POPDC1: variants seen among roughly 807,000 people sequenced by gnomAD.
POPDC1 encodes popeye domain-containing protein 1.
At chr6:105,118,102 C>T in the POPDC1 span, among the ~76,000 whole-genome samples, 27 of 152,296 alleles carry the variant, frequency 1.8e-4, no homozygotes, top group East Asian at 5.2e-3. Context: ...AACACAAATA[C>T]CGCAGTAGGC....
the POPDC1 span, among the ~76,000 whole-genome samples, chr6:105,110,284 C>G: frequency 6.6e-6 from 1 of 152,198 alleles, no homozygotes. Context: ...ATTGATCTCC[C>G]TAAACTACAC....
the POPDC1 span, chr6:105,136,374 A>G: frequency 1.3e-5 from 2 of 152,164 alleles, no homozygotes; most frequent in Non-Finnish European, 2.9e-5. Flanking sequence ...TCGCTCCTTA[A>G]AGGAGGAGGG....
the POPDC1 span, among the ~76,000 whole-genome samples, chr6:105,132,774 T>A: frequency 2.0e-5 from 3 of 152,236 alleles, no homozygotes; most frequent in Admixed American, 6.5e-5. Context: ...CCAAAAAAAA[T>A]TTGTTTTATT....
At chr6:105,132,271 ATATTTT>A in the POPDC1 span, among the ~76,000 whole-genome samples, 45 of 152,286 alleles carry the variant, frequency 3.0e-4, no homozygotes, top group Middle Eastern at 6.8e-3. Flanking sequence ...CAGCCCATTT[ATATTTT>A]TAAGCACAAT....
chr6:105,111,524 G>A, the POPDC1 span, among the ~76,000 whole-genome samples: 1,734 of 152,254 alleles, frequency 0.011, 35 homozygotes, highest in African/African-American at 0.04. Context: ...TTCCTATCTC[G>A]CTATATTCCA....
At chr6:105,130,876 T>C in the POPDC1 span, among the ~76,000 whole-genome samples, 2 of 152,210 alleles carry the variant, frequency 1.3e-5, no homozygotes, top group African/African-American at 4.8e-5. Context: ...CCTAATTTGA[T>C]AGTGAGGAAT....
chr6:105,100,852 A>G, the POPDC1 span: 3 of 319,148 alleles, frequency 9.4e-6, no homozygotes, highest in Middle Eastern at 8.3e-4. Flanking sequence ...TATATATCTC[A>G]AAAGAGAACA....
At chr6:105,125,234 T>C in the POPDC1 span, among the ~76,000 whole-genome samples, 2 of 152,216 alleles carry the variant, frequency 1.3e-5, no homozygotes, top group Non-Finnish European at 2.9e-5. Flanking sequence ...CTCTATAGCA[T>C]TGTAAAGTAT....
chr6:105,131,882 T>G, the POPDC1 span, among the ~76,000 whole-genome samples: 1,555 of 152,072 alleles, frequency 0.01, 31 homozygotes, highest in African/African-American at 0.035. Flanking sequence ...GCTGTAATCC[T>G]CACCTTACTC....
chr6:105,101,838 T>G, the POPDC1 span, among the ~76,000 whole-genome samples: 2 of 152,152 alleles, frequency 1.3e-5, no homozygotes, highest in Non-Finnish European at 2.9e-5. Context: ...AGGATGCCAT[T>G]TAATCAAAGG....
chr6:105,102,950 T>C, the POPDC1 span, among the ~76,000 whole-genome samples: 1 of 152,224 alleles, frequency 6.6e-6, no homozygotes, highest in Non-Finnish European at 1.5e-5. Flanking sequence ...ACTATTGACA[T>C]AAACTGTAGA....
chr6:105,135,376 T>G, the POPDC1 span, among the ~76,000 whole-genome samples: 1 of 152,178 alleles, frequency 6.6e-6, no homozygotes, highest in Admixed American at 6.5e-5. Context: ...GGGTGCTACA[T>G]AAGCCAGGGA....
chr6:105,132,108 A>G, the POPDC1 span, among the ~76,000 whole-genome samples: 1 of 151,596 alleles, frequency 6.6e-6, no homozygotes, highest in Non-Finnish European at 1.5e-5. Flanking sequence ...TGGGATTACA[A>G]GTGCCTGCCA....
the POPDC1 span, among the ~76,000 whole-genome samples, chr6:105,127,674 G>C: frequency 1.1e-4 from 16 of 152,180 alleles, no homozygotes; most frequent in African/African-American, 3.9e-4. Context: ...GGGCTCAAGA[G>C]ATCTTCCAAC....
the POPDC1 span, among the ~76,000 whole-genome samples, chr6:105,122,517 G>C: frequency 6.6e-6 from 1 of 152,078 alleles, no homozygotes; most frequent in African/African-American, 2.4e-5. Flanking sequence ...TAGTATTTCT[G>C]GCCTCTTGGG....
the POPDC1 span, chr6:105,096,847 T>C: frequency 1.3e-5 from 2 of 152,626 alleles, no homozygotes; most frequent in Non-Finnish European, 2.9e-5. Flanking sequence ...ATTTATTTGA[T>C]CAAATGGCAA....
At chr6:105,118,892 C>A in the POPDC1 span, among the ~76,000 whole-genome samples, 2 of 151,962 alleles carry the variant, frequency 1.3e-5, no homozygotes, top group African/African-American at 4.8e-5. Context: ...CTACAAAACA[C>A]ACAAAAATTA....
At chr6:105,116,909 T>A in the POPDC1 span, 2 of 1,569,568 alleles carry the variant, frequency 1.3e-6, no homozygotes, top group East Asian at 4.5e-5. Flanking sequence ...AGTACATCTA[T>A]GTATATGAAT....
the POPDC1 span, among the ~76,000 whole-genome samples, chr6:105,104,256 C>G: frequency 6.6e-6 from 1 of 152,270 alleles, no homozygotes; most frequent in South Asian, 2.1e-4. Context: ...CTCCATGACT[C>G]CTGTGGGAAG....
Sources: gnomAD v4.1 joint callset for allele counts (sites outside exome capture counted in the v4.1 genomes callset) on GRCh38, gnomAD v4.1.1 for gene constraint, MANE v1.5 for transcripts, NCBI Gene and HGNC (gene_info 2026-07-23, HGNC 2026-07-21) for gene names.